The following TTLL7 variants were observed in gnomAD, a reference collection of about 807,000 sequenced individuals.
TTLL7 encodes the protein tubulin polyglutamylase TTLL7.
Under a neutral mutation model 120.2 loss-of-function variants are expected in TTLL7, and 53 were observed. That is an observed-to-expected ratio of 0.44 (90% CI 0.35 to 0.55). The LOEUF (loss-of-function observed/expected upper bound fraction) is 0.55, where lower values mean the gene tolerates loss of function less well. Ranked by LOEUF, TTLL7 falls within the 20% of genes least tolerant of loss-of-function variation. TTLL7 has a pLI of 0.00. For synonymous variants in TTLL7, 353 were observed against 351.7 expected (o/e 1.00, Z -0.04); for missense variants, 803 against 1,054.7 (o/e 0.76, Z 3.31).
At chr1:83,907,432 G>T (rs201632338) in intron 16 of TTLL7, 24 bp downstream of exon 16, 13 of 1,608,388 alleles carry the variant, frequency 8.1e-6, no homozygotes, top group African/African-American at 6.7e-5. Flanking sequence ...CTGTAATCTT[G>T]AAAGAGCAAA....
Position 83,943,719 on chromosome 1 carries a change from C to T in TTLL7, c.507-1040G>A, listed in dbSNP as rs140324529. Among the ~76,000 whole-genome samples, 391 of 152,154 alleles carry T rather than the reference C, an allele frequency of 2.6e-3. 1 individual carries two copies. The highest frequency in any genetic ancestry group is 8.9e-3 in the African/African-American group (368 of 41,506). On this transcript the variant is annotated intron_variant, in intron 6 of 20. Transcript: ENST00000260505. ...GCTATAGTATAATACTGAAAATGTTCGGATTTCAACAAAATATTATGAGGC... is the reference window on the plus strand; with the variant it reads ...GCTATAGTATAATACTGAAAATGTTTGGATTTCAACAAAATATTATGAGGC...
intron 1 of TTLL7, among the ~76,000 whole-genome samples, chr1:83,957,027 T>C (rs1649591778): frequency 6.6e-6 from 1 of 152,238 alleles, no homozygotes; most frequent in Non-Finnish European, 1.5e-5. Flanking sequence ...CTTTATTTCA[T>C]TTAAATGAAA....
chr1:83,923,913 C>T (rs1032917249), intron 10 of TTLL7, among the ~76,000 whole-genome samples: 6 of 152,126 alleles, frequency 3.9e-5, no homozygotes, highest in Admixed American at 3.9e-4. Flanking sequence ...ATAATTCCAT[C>T]CAAGGGATTT....
At chr1:83,978,800 T>TAACATAA (rs145740093) in intron 1 of TTLL7, among the ~76,000 whole-genome samples, 6,321 of 152,266 alleles carry the variant, frequency 0.042, 152 homozygotes, top group Middle Eastern at 0.099. Context: ...TGGAAATGTC[T>TAACATAA]AACATAAAAG....
chr1:83,891,884 G>C (rs974113534), intron 18 of TTLL7, among the ~76,000 whole-genome samples: 2 of 151,910 alleles, frequency 1.3e-5, no homozygotes, highest in Admixed American at 6.6e-5. Flanking sequence ...CTGGAGTGCA[G>C]GGGCATGATC....
rs935574797 is a variant in TTLL7 at position 83,998,985 on chromosome 1, C to T, written c.-231G>A. The T allele has an allele frequency of 3.2e-5, 14 of 443,244 alleles. No homozygotes were observed. Among genetic ancestry groups the T allele is most frequent in the Non-Finnish European group, 5.4e-5 (12 of 222,644 alleles). The allele number at this position is 443,244 out of a possible 1,614,324, so 27.5% of individuals were successfully genotyped here. A position where few individuals can be genotyped will look rare whatever the true frequency, so the allele number is the denominator to read the frequency against. On this transcript the variant is annotated 5_prime_UTR_variant, in exon 1 of 21. Transcript: ENST00000260505. The stretch of plus-strand genomic sequence containing the variant: ...CGCGTCCCCGCTGCAAGCGGTCCCC[C>T]AGGTGCTCCCGCGCCTCGCAGCTTC...
chr1:83,896,447 C>T (rs929488396), intron 18 of TTLL7, among the ~76,000 whole-genome samples: 1 of 152,116 alleles, frequency 6.6e-6, no homozygotes. Context: ...TCCATATGGC[C>T]GAACAGTTGG....
intron 18 of TTLL7, among the ~76,000 whole-genome samples, chr1:83,892,656 G>A (rs200671799): frequency 0.012 from 1,221 of 99,802 alleles, 9 homozygotes; most frequent in East Asian, 0.021. Flanking sequence ...ATGAACATAT[G>A]AATGAACATA....
chr1:83,982,288 T>A, intron 1 of TTLL7, among the ~76,000 whole-genome samples: 1 of 152,000 alleles, frequency 6.6e-6, no homozygotes, highest in Admixed American at 6.6e-5. Context: ...AGAAGGAAAT[T>A]TAGACACCTA....
chr1:83,984,915 T>C (rs1321628336), intron 1 of TTLL7, among the ~76,000 whole-genome samples: 2 of 152,114 alleles, frequency 1.3e-5, no homozygotes, highest in Non-Finnish European at 2.9e-5. Flanking sequence ...ATGTACCCCT[T>C]GTATCCAAAA....
chr1:83,926,193 A>G (rs1369007579), intron 10 of TTLL7, among the ~76,000 whole-genome samples: 1 of 152,034 alleles, frequency 6.6e-6, no homozygotes, highest in Non-Finnish European at 1.5e-5. Context: ...TGATATTGTT[A>G]GCAGAGAAAA....
chr1:83,987,909 G>C (rs1652626430), intron 1 of TTLL7, among the ~76,000 whole-genome samples: 1 of 151,988 alleles, frequency 6.6e-6, no homozygotes, highest in South Asian at 2.1e-4. Flanking sequence ...AGATTCAGGG[G>C]GTACATGTAC....
intron 18 of TTLL7, among the ~76,000 whole-genome samples, chr1:83,898,544 T>C (rs1656441360): frequency 6.6e-6 from 1 of 151,980 alleles, no homozygotes; most frequent in African/African-American, 2.4e-5. Context: ...CTCTTTCTAT[T>C]ACATGCTTTT....
chr1:83,886,009 T>C (rs556359281), intron 19 of TTLL7, among the ~76,000 whole-genome samples: 1 of 152,142 alleles, frequency 6.6e-6, no homozygotes, highest in South Asian at 2.1e-4. Context: ...TCCCTAATCC[T>C]CACAGCAATA....
intron 10 of TTLL7, among the ~76,000 whole-genome samples, chr1:83,925,896 G>A (rs1385043399): frequency 6.6e-6 from 1 of 151,924 alleles, no homozygotes; most frequent in South Asian, 2.1e-4. Context: ...CCGAGGCGGT[G>A]GATCACCTGA....
At chr1:83,948,793 T>G in intron 4 of TTLL7, 98 bp from the exon 5 acceptor site, 1 of 767,980 alleles carries the variant, frequency 1.3e-6, no homozygotes, top group Middle Eastern at 2.6e-4. Flanking sequence ...TTTTATGTTT[T>G]AATAAACTGC....
chr1:83,901,774 TA>T (rs1375280620), intron 18 of TTLL7, among the ~76,000 whole-genome samples: 1 of 151,952 alleles, frequency 6.6e-6, no homozygotes, highest in African/African-American at 2.4e-5. Context: ...CTTACTCAGA[TA>T]AAAGTATATA....
Position 83,868,946 on chromosome 1 carries a change from CTTT to C in TTLL7, c.*1013_*1015del, listed in dbSNP as rs1239826931. 1 of 149,598 alleles carries C rather than the reference CTTT, an allele frequency of 6.7e-6. No homozygotes were observed. The highest frequency in any genetic ancestry group is 3.2e-3 in the Middle Eastern group (1 of 312). 9.3% of individuals were successfully genotyped at this position (149,598 alleles called of 1,614,324 possible). The stretch of plus-strand genomic sequence containing the variant: ...CATTTTATTTATTTATTTTTATCTT[CTTT>C]TTATTTATTTATTTATTTTATTTTA... On this transcript the variant is annotated 3_prime_UTR_variant, in exon 21 of 21. Coordinates refer to ENST00000260505, the MANE Select transcript of TTLL7 (RefSeq NM_024686.6).
At chr1:83,961,645 T>C (rs1650028468) in intron 1 of TTLL7, among the ~76,000 whole-genome samples, 1 of 152,122 alleles carries the variant, frequency 6.6e-6, no homozygotes, top group Admixed American at 6.6e-5. Flanking sequence ...CAGCTATAAC[T>C]CGGTTACTAA....
Sources: gnomAD v4.1 joint callset for allele counts (sites outside exome capture counted in the v4.1 genomes callset) on GRCh38, gnomAD v4.1.1 for gene constraint, MANE v1.5 for transcripts, NCBI Gene and HGNC (gene_info 2026-07-23, HGNC 2026-07-21) for gene names.